Variants in ESRRG observed in about 807,000 individuals in gnomAD.
The protein encoded by ESRRG is estrogen-related receptor gamma.
ESRRG carries 13 observed loss-of-function variants against 44.0 expected under a neutral mutation model. That is an observed-to-expected ratio of 0.30 (90% CI 0.19 to 0.47). The LOEUF (loss-of-function observed/expected upper bound fraction) is 0.47. ESRRG is among the 20% of genes least tolerant of loss of function. The pLI is 1.00. For synonymous variants in ESRRG, 215 were observed against 214.6 expected (o/e 1.00, Z -0.02); for missense variants, 395 against 580.6 (o/e 0.68, Z 3.29).
chr1:216,977,332 G>T (rs1323313556), intron 1 of ESRRG, among the ~76,000 whole-genome samples: 1 of 83,000 alleles, frequency 1.2e-5, no homozygotes. Context: ...AGTTTCCAAG[G>T]AGGATACATA....
chr1:216,941,142 T>A (rs1181623023), intron 1 of ESRRG, among the ~76,000 whole-genome samples: 1 of 152,096 alleles, frequency 6.6e-6, no homozygotes, highest in Non-Finnish European at 1.5e-5. Flanking sequence ...TCTAGGATTG[T>A]GAAGATAAGA....
chr1:216,626,508 C>T (rs2063211786), intron 3 of ESRRG, among the ~76,000 whole-genome samples: 1 of 152,186 alleles, frequency 6.6e-6, no homozygotes, highest in African/African-American at 2.4e-5. Context: ...CAACTCAGTA[C>T]TTCAAAAGCT....
intron 5 of ESRRG, among the ~76,000 whole-genome samples, chr1:216,540,267 T>C (rs2052308828): frequency 6.6e-6 from 1 of 151,974 alleles, no homozygotes. Flanking sequence ...GGTGTAAACT[T>C]CCGTACTCTA....
chr1:216,857,843 A>G (rs551835017), intron 2 of ESRRG, among the ~76,000 whole-genome samples: 1 of 152,314 alleles, frequency 6.6e-6, no homozygotes, highest in South Asian at 2.1e-4. Flanking sequence ...CATACAGAAT[A>G]TAAACATACC....
At chr1:216,570,277 G>T (rs573136733) in intron 3 of ESRRG, among the ~76,000 whole-genome samples, 6 of 152,202 alleles carry the variant, frequency 3.9e-5, no homozygotes, top group Non-Finnish European at 7.4e-5. Flanking sequence ...GTTAGGTAAG[G>T]TTATTAAGCA....
At chr1:217,132,825 C>T (rs150050578) in intron 1 of ESRRG, among the ~76,000 whole-genome samples, 1 of 152,208 alleles carries the variant, frequency 6.6e-6, no homozygotes, top group Non-Finnish European at 1.5e-5. Flanking sequence ...CCTCTTTCTG[C>T]CATTTTCCAG....
chr1:216,806,002 A>G (rs2094780936), intron 2 of ESRRG, among the ~76,000 whole-genome samples: 1 of 152,154 alleles, frequency 6.6e-6, no homozygotes, highest in African/African-American at 2.4e-5. Flanking sequence ...TCTTTCCTCT[A>G]TGGGACTTGG....
At chr1:216,823,989 C>T (rs2095346707) in intron 2 of ESRRG, among the ~76,000 whole-genome samples, 1 of 152,126 alleles carries the variant, frequency 6.6e-6, no homozygotes, top group African/African-American at 2.4e-5. Context: ...CAGGTTCCAA[C>T]TACAATGCAT....
chr1:216,652,191 G>A (rs759311508), intron 2 of ESRRG, among the ~76,000 whole-genome samples: 1 of 152,110 alleles, frequency 6.6e-6, no homozygotes, highest in East Asian at 1.9e-4. Context: ...CAATTTTGCT[G>A]CTCCATGTTT....
intron 2 of ESRRG, among the ~76,000 whole-genome samples, chr1:216,822,975 A>G (rs1051816847): frequency 7.9e-5 from 12 of 152,098 alleles, no homozygotes; most frequent in African/African-American, 2.9e-4. Context: ...TTTAATTTTT[A>G]TTGTTGAGAT....
At chr1:216,709,165 G>A (rs2083058975) in intron 1 of ESRRG, among the ~76,000 whole-genome samples, 1 of 151,948 alleles carries the variant, frequency 6.6e-6, no homozygotes, top group African/African-American at 2.4e-5. Context: ...GTATACCTAT[G>A]TAACAAAACT....
intron 5 of ESRRG, among the ~76,000 whole-genome samples, chr1:216,527,598 C>T (rs2048060900): frequency 1.3e-5 from 2 of 152,094 alleles, no homozygotes; most frequent in African/African-American, 4.8e-5. Context: ...TTTCCTAATC[C>T]TAATGTCAAA....
At chr1:216,713,714 T>A (rs2084155291) in intron 1 of ESRRG, among the ~76,000 whole-genome samples, 1 of 152,170 alleles carries the variant, frequency 6.6e-6, no homozygotes, top group East Asian at 1.9e-4. Context: ...AGGTAATAAA[T>A]CCCTCTATTC....
chr1:216,893,100 C>T (rs1364909044), intron 2 of ESRRG, among the ~76,000 whole-genome samples: 1 of 152,162 alleles, frequency 6.6e-6, no homozygotes, highest in Non-Finnish European at 1.5e-5. Context: ...ACTCAACAAA[C>T]TATTTGCTAT....
intron 3 of ESRRG, among the ~76,000 whole-genome samples, chr1:216,609,277 G>GCT (rs1435753088): frequency 1.3e-5 from 2 of 152,142 alleles, no homozygotes; most frequent in African/African-American, 4.8e-5. Context: ...CTAGAATGTG[G>GCT]CTTTTGTTTA....
rs11572420 is a variant in ESRRG at position 217,039,668 on chromosome 1, G to A, written c.-106+49839C>T. ...CACAAGATAAGATTTGGGTGAGTAC[G>A]CAGGGCCAAACCACTTCATTCACTA... On this transcript the variant is annotated intron_variant, in intron 1 of 7. Coordinates refer to the ESRRG transcript ENST00000359162. 3.3e-3 allele frequency among the ~76,000 whole-genome samples: 499 copies of A among 152,312 alleles called. 4 individuals are homozygous for A. The highest frequency in any genetic ancestry group is 5.9e-3 in the Non-Finnish European group (398 of 68,028).
At chr1:216,993,681 C>T (rs2076016684) in intron 1 of ESRRG, among the ~76,000 whole-genome samples, 1 of 152,032 alleles carries the variant, frequency 6.6e-6, no homozygotes, top group Non-Finnish European at 1.5e-5. Context: ...TATCCAAGAC[C>T]CTCCACCTCT....
chr1:217,132,116 G>A (rs565796755), intron 1 of ESRRG, among the ~76,000 whole-genome samples: 62 of 152,252 alleles, frequency 4.1e-4, no homozygotes, highest in African/African-American at 1.4e-3. Flanking sequence ...CAACTTTTAG[G>A]AAAAGCTTAG....
intron 2 of ESRRG, among the ~76,000 whole-genome samples, chr1:216,799,815 G>C (rs560539190): frequency 6.6e-6 from 1 of 152,182 alleles, no homozygotes; most frequent in Admixed American, 6.6e-5. Flanking sequence ...AACATTCCAG[G>C]CACTTCCACG....
Sources: gnomAD v4.1 joint callset for allele counts (sites outside exome capture counted in the v4.1 genomes callset) on GRCh38, gnomAD v4.1.1 for gene constraint, MANE v1.5 for transcripts, NCBI Gene and HGNC (gene_info 2026-07-23, HGNC 2026-07-21) for gene names.